TBC1D30: variants seen among roughly 807,000 people sequenced by gnomAD.
The protein encoded by TBC1D30 is TBC1 domain family, member 30.
Under a neutral mutation model 63.2 loss-of-function variants are expected in TBC1D30, and 31 were observed. The observed-to-expected ratio is 0.49, with a 90% CI of 0.37 to 0.66. TBC1D30 has a LOEUF of 0.66. Among genes scored for constraint, TBC1D30 ranks in the 30% least tolerant of loss-of-function variants. The pLI is 0.00. For missense variants in TBC1D30, 810 were observed against 953.6 expected (o/e 0.85, Z 1.98); for synonymous variants, 307 against 361.5 (o/e 0.85, Z 1.71).
chr12:64,767,759 G>C (rs753771482), intron 1 of TBC1D30, among the ~76,000 whole-genome samples: 2 of 119,344 alleles, frequency 1.7e-5, no homozygotes, highest in African/African-American at 6.3e-5. Flanking sequence ...CTAGCATCTG[G>C]ACACCTTGAT....
intron 1 of TBC1D30, among the ~76,000 whole-genome samples, chr12:64,764,778 A>G (rs553890950): frequency 6.6e-6 from 1 of 152,356 alleles, no homozygotes; most frequent in East Asian, 1.9e-4. Context: ...TAAAAGCTCC[A>G]TAAGTTTGTA....
In TBC1D30 at chr12:64,875,995, G is replaced by T; in HGVS notation, c.*207G>T. The T allele has an allele frequency of 2.0e-6, 1 of 509,766 alleles. No homozygotes were observed. Among genetic ancestry groups the T allele is most frequent in the Non-Finnish European group, 3.4e-6 (1 of 297,540 alleles). 31.6% of individuals were successfully genotyped at this position (509,766 alleles called of 1,614,324 possible). ...CAGCTACTTGCTAACTGACGAAGTG[G>T]ATTCTTGTGGCAAAATAAATATTGT... On this transcript the variant is annotated 3_prime_UTR_variant, in exon 12 of 12. Coordinates refer to ENST00000539867, the MANE Select transcript of TBC1D30 (RefSeq NM_015279.2).
chr12:64,813,219 G>A (rs767240524), intron 2 of TBC1D30, among the ~76,000 whole-genome samples: 2 of 152,120 alleles, frequency 1.3e-5, no homozygotes, highest in South Asian at 2.1e-4. Context: ...GTGAAACCCC[G>A]TCTCTACTAA....
intron 1 of TBC1D30, among the ~76,000 whole-genome samples, chr12:64,770,052 C>T (rs977171339): frequency 6.6e-6 from 1 of 152,070 alleles, no homozygotes; most frequent in Non-Finnish European, 1.5e-5. Context: ...ATTCTATCAC[C>T]GTATCTCTAA....
intron 7 of TBC1D30, among the ~76,000 whole-genome samples, chr12:64,842,836 TG>T (rs1876000468): frequency 6.6e-6 from 1 of 152,248 alleles, no homozygotes; most frequent in East Asian, 1.9e-4. Flanking sequence ...ATGCCACAGG[TG>T]GGACTGTGAG....
intron 1 of TBC1D30, among the ~76,000 whole-genome samples, chr12:64,766,271 C>T (rs186174589): frequency 1.7e-3 from 265 of 152,100 alleles, no homozygotes; most frequent in Non-Finnish European, 1.6e-3. Flanking sequence ...AATAATTTTT[C>T]GAAGAAATAA....
intron 8 of TBC1D30, among the ~76,000 whole-genome samples, chr12:64,851,111 A>G (rs1266512618): frequency 1.3e-5 from 2 of 152,086 alleles, no homozygotes; most frequent in Non-Finnish European, 2.9e-5. Context: ...GGGATCAGTG[A>G]TGATATTTCC....
intron 10 of TBC1D30, chr12:64,868,474 T>C (rs1479823376): frequency 4.1e-6 from 1 of 243,520 alleles, no homozygotes; most frequent in South Asian, 5.5e-5. Context: ...CCAGCTTTTC[T>C]TGCCCTCCTA....
Position 64,876,099 on chromosome 12 carries a change from T to C in TBC1D30, c.*311T>C, listed in dbSNP as rs1448369050. The C allele has an allele frequency of 1.2e-5, 3 of 259,244 alleles. No homozygotes were observed. Among genetic ancestry groups the C allele is most frequent in the Non-Finnish European group, 2.2e-5 (3 of 137,144 alleles). The allele number at this position is 259,244 out of a possible 1,614,324, so 16.1% of individuals were successfully genotyped here. ...ACTATATCTAGATTGTTAACTCTCG[T>C]CCATCCTTCTGTTCTGGGGGCCTTC... On this transcript the variant is annotated 3_prime_UTR_variant, in exon 12 of 12. Transcript: ENST00000539867.
intron 2 of TBC1D30, among the ~76,000 whole-genome samples, chr12:64,812,130 C>A (rs556986817): frequency 6.6e-6 from 1 of 152,208 alleles, no homozygotes; most frequent in South Asian, 2.1e-4. Flanking sequence ...ATAATAATTT[C>A]CAATATTCTA....
chr12:64,855,470 C>T (rs749447266), intron 8 of TBC1D30, among the ~76,000 whole-genome samples: 2 of 151,942 alleles, frequency 1.3e-5, no homozygotes, highest in Non-Finnish European at 2.9e-5. Context: ...TTAGATTTGC[C>T]CTTTTGAGGC....
chr12:64,843,253 C>T (rs535234781), intron 7 of TBC1D30, 127 bp from the exon 8 acceptor site: 1 of 771,930 alleles, frequency 1.3e-6, no homozygotes, highest in Non-Finnish European at 2.0e-6. Flanking sequence ...CCCCAGCCTC[C>T]CAGAGTGCTG....
chr12:64,819,334 G>T (rs1873744158), intron 2 of TBC1D30, among the ~76,000 whole-genome samples: 1 of 149,774 alleles, frequency 6.7e-6, no homozygotes, highest in South Asian at 2.1e-4. Flanking sequence ...CTTCATCTCT[G>T]TCATGAGGGG....
intron 7 of TBC1D30, among the ~76,000 whole-genome samples, chr12:64,840,913 C>T (rs1875814718): frequency 6.6e-6 from 1 of 152,218 alleles, no homozygotes; most frequent in Non-Finnish European, 1.5e-5. Flanking sequence ...TGACATACAT[C>T]ATAAGTGCCT....
intron 1 of TBC1D30, chr12:64,825,356 A>G: frequency 3.1e-6 from 1 of 326,566 alleles, no homozygotes; most frequent in Non-Finnish European, 5.6e-6. Flanking sequence ...CCGGGCCCTC[A>G]GAGGCCGCAC....
chr12:64,780,704 G>C (rs1241945121), exon 1 of TBC1D30: 3 of 967,522 alleles, frequency 3.1e-6, no homozygotes, highest in African/African-American at 1.8e-5. Context: ...CGCCGCGCCC[G>C]GGAGGGCACC....
At chr12:64,822,231 G>C (rs991777450), upstream of TBC1D30, among the ~76,000 whole-genome samples, 2 of 152,056 alleles carry the variant, frequency 1.3e-5, no homozygotes, top group Non-Finnish European at 2.9e-5. Flanking sequence ...ACCCAGGCTG[G>C]AGTGCAGTGG....
intron 2 of TBC1D30, among the ~76,000 whole-genome samples, chr12:64,793,342 CA>C (rs1057492803): frequency 6.6e-6 from 1 of 151,114 alleles, no homozygotes; most frequent in African/African-American, 2.4e-5. Context: ...GATACTGACT[CA>C]AAAAATAAAA....
At chr12:64,808,406 G>A (rs530425876) in intron 2 of TBC1D30, among the ~76,000 whole-genome samples, 45 of 152,238 alleles carry the variant, frequency 3.0e-4, no homozygotes, top group Non-Finnish European at 5.6e-4. Context: ...GGACTGTGCC[G>A]TGCCTGTCTC....
Sources: allele counts gnomAD v4.1 joint callset (sites outside exome capture counted in the v4.1 genomes callset), GRCh38; gene constraint gnomAD v4.1.1; transcripts MANE v1.5; gene names NCBI Gene and HGNC (gene_info 2026-07-23, HGNC 2026-07-21).